The following FCHSD2 variants were observed in gnomAD, a reference collection of about 807,000 sequenced individuals.
The protein encoded by FCHSD2 is F-BAR and double SH3 domains protein 2.
FCHSD2 carries 38 observed loss-of-function variants against 108.1 expected under a neutral mutation model. That is an observed-to-expected ratio of 0.35 (90% CI 0.27 to 0.46). The LOEUF (loss-of-function observed/expected upper bound fraction) is 0.46. FCHSD2 is among the 20% of genes least tolerant of loss of function. The pLI, the probability that FCHSD2 is intolerant of heterozygous loss-of-function variation, is 1.00. For synonymous variants in FCHSD2, 279 were observed against 314.7 expected (o/e 0.89, Z 1.20); for missense variants, 751 against 897.8 (o/e 0.84, Z 2.09).
chr11:72,888,931 T>C (rs188053410), intron 11 of FCHSD2, among the ~76,000 whole-genome samples: 31 of 151,430 alleles, frequency 2.0e-4, no homozygotes, highest in Middle Eastern at 3.4e-3. Flanking sequence ...CAAACATATA[T>C]TTTCATGAAA....
intron 8 of FCHSD2, among the ~76,000 whole-genome samples, chr11:72,925,041 T>G (rs947741947): frequency 2.1e-4 from 32 of 152,198 alleles, no homozygotes; most frequent in African/African-American, 7.7e-4. Context: ...CAAATGGTAA[T>G]ACAGGCATCA....
chr11:73,056,791 A>T (rs1313030610), intron 3 of FCHSD2, among the ~76,000 whole-genome samples: 1 of 152,230 alleles, frequency 6.6e-6, no homozygotes, highest in African/African-American at 2.4e-5. Context: ...TAAAATCCAT[A>T]GATTGACAAG....
intron 8 of FCHSD2, among the ~76,000 whole-genome samples, chr11:72,978,253 T>A (rs923760477): frequency 6.6e-6 from 1 of 151,950 alleles, no homozygotes; most frequent in African/African-American, 2.4e-5. Flanking sequence ...GGCACATGTA[T>A]ACATATGTAA....
chr11:72,988,756 T>C (rs1857356582), intron 6 of FCHSD2, among the ~76,000 whole-genome samples: 1 of 152,230 alleles, frequency 6.6e-6, no homozygotes. Context: ...AAAAACTGAC[T>C]AATCTAATAT....
chr11:73,121,974 AG>A (rs1860744642), intron 2 of FCHSD2, among the ~76,000 whole-genome samples: 1 of 152,230 alleles, frequency 6.6e-6, no homozygotes, highest in Non-Finnish European at 1.5e-5. Flanking sequence ...AAAAGTACTT[AG>A]GATATAATGT....
intron 8 of FCHSD2, among the ~76,000 whole-genome samples, chr11:72,971,259 T>C (rs371995664): frequency 1.2e-4 from 19 of 152,078 alleles, no homozygotes; most frequent in African/African-American, 3.6e-4. Flanking sequence ...TACAGTAACA[T>C]TGAGAAATAT....
intron 8 of FCHSD2, among the ~76,000 whole-genome samples, chr11:72,975,678 T>C (rs1385826095): frequency 6.6e-6 from 1 of 152,082 alleles, no homozygotes; most frequent in Non-Finnish European, 1.5e-5. Context: ...TGTATATTAA[T>C]GTTTTTCTCT....
intron 3 of FCHSD2, among the ~76,000 whole-genome samples, chr11:73,047,808 A>T (rs1858803054): frequency 6.6e-6 from 1 of 152,216 alleles, no homozygotes; most frequent in Non-Finnish European, 1.5e-5. Flanking sequence ...CTCAGAATTT[A>T]CTCAGTAAAT....
intron 11 of FCHSD2, among the ~76,000 whole-genome samples, chr11:72,889,208 A>G (rs1197583468): frequency 1.5e-5 from 2 of 134,146 alleles, no homozygotes; most frequent in East Asian, 4.7e-4. Flanking sequence ...TGATCCACCC[A>G]CCTCGGCCTC....
chr11:72,983,717 A>T, intron 8 of FCHSD2: 1 of 370,114 alleles, frequency 2.7e-6, no homozygotes. Context: ...TAGCTTCAAT[A>T]ATTTATTGAA....
chr11:73,046,751 A>G, intron 3 of FCHSD2, among the ~76,000 whole-genome samples: 1 of 152,120 alleles, frequency 6.6e-6, no homozygotes, highest in African/African-American at 2.4e-5. Context: ...TTGTTTGTTT[A>G]TTGATTGATT....
chr11:73,010,197 A>G (rs1857831985), intron 4 of FCHSD2, among the ~76,000 whole-genome samples: 1 of 152,108 alleles, frequency 6.6e-6, no homozygotes, highest in South Asian at 2.1e-4. Context: ...GAAGCTTTCA[A>G]ATGTATTTTG....
intron 4 of FCHSD2, among the ~76,000 whole-genome samples, chr11:73,012,588 C>T (rs76387017): frequency 0.034 from 5,220 of 152,156 alleles, 137 homozygotes; most frequent in Middle Eastern, 0.071. Flanking sequence ...TCCAAATAAA[C>T]AAAAACACTG....
intron 3 of FCHSD2, among the ~76,000 whole-genome samples, chr11:73,069,836 A>C (rs1446315706): frequency 6.6e-6 from 1 of 152,196 alleles, no homozygotes; most frequent in Non-Finnish European, 1.5e-5. Context: ...CAAATAAAAC[A>C]TCTAGATTCA....
At chr11:72,971,375 T>C (rs1020883798) in intron 8 of FCHSD2, among the ~76,000 whole-genome samples, 2 of 152,122 alleles carry the variant, frequency 1.3e-5, no homozygotes, top group African/African-American at 4.8e-5. Flanking sequence ...CCCTTTCCTT[T>C]GAGTGTCAGT....
chr11:72,846,016 T>C (rs1283635013), intron 14 of FCHSD2, among the ~76,000 whole-genome samples: 1 of 152,106 alleles, frequency 6.6e-6, no homozygotes, highest in Non-Finnish European at 1.5e-5. Context: ...TTTGATAATA[T>C]CTTCCTCATA....
chr11:72,931,546 C>T (rs1221822300), intron 8 of FCHSD2, among the ~76,000 whole-genome samples: 2 of 151,746 alleles, frequency 1.3e-5, no homozygotes. Context: ...GCAGGTGGAT[C>T]ACAAGGTCAG....
chr11:72,940,660 G>A (rs6592500), intron 8 of FCHSD2: 971,364 of 1,335,040 alleles, frequency 0.73, 358,990 homozygotes, highest in South Asian at 0.85. Context: ...AGGCTGCAAG[G>A]CCAAGCAAGG....
In FCHSD2 at chr11:73,090,454, T is replaced by C. The variant is rs562360473; in HGVS notation, c.120-6714A>G. Among the ~76,000 whole-genome samples, 176 of 152,228 alleles carry C rather than the reference T, an allele frequency of 1.2e-3. 1 individual carries two copies. Among genetic ancestry groups the C allele is most frequent in the African/African-American group, 4.1e-3 (170 of 41,532 alleles). On this transcript the variant is annotated intron_variant, in intron 2 of 19. Transcript: ENST00000409418. Reference sequence around the variant, plus strand: ...TTTAGCCGGGATGGTCTCGATCTGCTGACCTCGTGATCCGCCCGCCTCGGC... The same window carrying C: ...TTTAGCCGGGATGGTCTCGATCTGCCGACCTCGTGATCCGCCCGCCTCGGC...
Sources: gnomAD v4.1 joint callset for allele counts (sites outside exome capture counted in the v4.1 genomes callset) on GRCh38, gnomAD v4.1.1 for gene constraint, MANE v1.5 for transcripts, NCBI Gene and HGNC (gene_info 2026-07-23, HGNC 2026-07-21) for gene names.